The following NOL4L variants were observed in gnomAD, a reference collection of about 807,000 sequenced individuals.
The protein encoded by NOL4L is nucleolar protein 4-like.
A neutral mutation model predicts 64.5 loss-of-function variants in NOL4L; 7 were observed. The ratio of observed to expected loss-of-function variants is 0.11; its 90% CI spans 0.06 to 0.20. The LOEUF (loss-of-function observed/expected upper bound fraction) is 0.20, where lower values mean the gene tolerates loss of function less well. NOL4L is among the 10% of genes least tolerant of loss of function. The pLI, the probability that NOL4L is intolerant of heterozygous loss-of-function variation, is 1.00. For synonymous variants in NOL4L, 413 were observed against 401.0 expected (o/e 1.03, Z -0.36); for missense variants, 680 against 967.1 (o/e 0.70, Z 3.94).
chr20:32,561,272 G>C (rs1412322198), intron 1 of NOL4L: 1 of 152,272 alleles, frequency 6.6e-6, no homozygotes, highest in African/African-American at 2.4e-5. Flanking sequence ...AGGTAGGTGG[G>C]TGCCGGGAGG....
At chr20:32,558,573 TG>T (rs1978803841) in intron 1 of NOL4L, among the ~76,000 whole-genome samples, 1 of 152,138 alleles carries the variant, frequency 6.6e-6, no homozygotes, top group Non-Finnish European at 1.5e-5. Context: ...CACAGCCGGC[TG>T]GGTACACGGC....
At chr20:32,528,140 C>T (rs1419273932) in intron 1 of NOL4L, among the ~76,000 whole-genome samples, 6 of 152,150 alleles carry the variant, frequency 3.9e-5, no homozygotes, top group African/African-American at 1.4e-4. Flanking sequence ...ACGGCGACAA[C>T]GAAAATACAA....
At chr20:32,547,359 T>C (rs1487427413) in intron 1 of NOL4L, among the ~76,000 whole-genome samples, 1 of 152,134 alleles carries the variant, frequency 6.6e-6, no homozygotes, top group African/African-American at 2.4e-5. Flanking sequence ...GGCTCAATCA[T>C]GACTCACTGC....
At chr20:32,504,425 T>C (rs2017052132) in intron 4 of NOL4L, among the ~76,000 whole-genome samples, 1 of 151,874 alleles carries the variant, frequency 6.6e-6, no homozygotes, top group Non-Finnish European at 1.5e-5. Flanking sequence ...CCAGGTGTCA[T>C]GGCGGGCGCC....
intron 1 of NOL4L, among the ~76,000 whole-genome samples, chr20:32,551,411 C>G (rs1032099077): frequency 4.1e-5 from 6 of 145,366 alleles, no homozygotes; most frequent in Non-Finnish European, 7.5e-5. Flanking sequence ...TCATCATCAT[C>G]ATCGTGAGCA....
intron 4 of NOL4L, among the ~76,000 whole-genome samples, chr20:32,475,788 G>A (rs1280337132): frequency 6.6e-6 from 1 of 152,150 alleles, no homozygotes; most frequent in East Asian, 1.9e-4. Flanking sequence ...CCCCCTCACA[G>A]ACACCTCTTT....
chr20:32,472,335 C>T (rs533598266), intron 5 of NOL4L, among the ~76,000 whole-genome samples: 14 of 152,314 alleles, frequency 9.2e-5, no homozygotes, highest in East Asian at 3.9e-4. Context: ...CCACGAAGGA[C>T]GGAAGGCCAG....
At position 32,494,274 on chromosome 20, in the gene NOL4L, A is replaced by AC. The variant is rs1389579531; in HGVS notation, c.699+17072_699+17073insG. 7.9e-4 allele frequency among the ~76,000 whole-genome samples: 101 copies of AC among 128,600 alleles called. 1 individual carries two copies. Among genetic ancestry groups the AC allele is most frequent in the African/African-American group, 2.7e-3 (91 of 33,934 alleles). 84.4% of individuals were successfully genotyped at this position (128,600 alleles called of 152,430 possible). ...TCGGGAAAAAAAAAAAAAAAAAAAA[A>AC]AAAAAAAACACACAACACACACACA... On this transcript the variant is annotated intron_variant, in intron 4 of 10. Transcript: ENST00000621426.
At chr20:32,486,705 G>A in intron 4 of NOL4L, 1 of 470,914 alleles carries the variant, frequency 2.1e-6, no homozygotes, top group Non-Finnish European at 4.4e-6. Flanking sequence ...CCTGCAATGG[G>A]GCGATCTGGC....
chr20:32,567,921 C>CCATCAT (rs140917640), intron 1 of NOL4L, among the ~76,000 whole-genome samples: 1 of 151,496 alleles, frequency 6.6e-6, no homozygotes, highest in Non-Finnish European at 1.5e-5. Context: ...ATTACCACCA[C>CCATCAT]CATCATCATC....
intron 1 of NOL4L, among the ~76,000 whole-genome samples, 163 bp from the exon 2 acceptor site, chr20:32,528,076 G>A (rs1055879574): frequency 1.3e-5 from 2 of 152,174 alleles, no homozygotes; most frequent in Non-Finnish European, 2.9e-5. Flanking sequence ...GGAGGGGGAC[G>A]CCAGAGTCAG....
rs141370294 is a variant in NOL4L at position 32,480,007 on chromosome 20, C to T, written c.700-5265G>A. On this transcript the variant is annotated intron_variant, in intron 4 of 10. Transcript: ENST00000621426. ...TAACTAGCACAACCACTGCCCAGCCCAGGAGGAGGAGAAAACGGGAGACCA... is the reference window on the plus strand; with the variant it reads ...TAACTAGCACAACCACTGCCCAGCCTAGGAGGAGGAGAAAACGGGAGACCA... Among the ~76,000 whole-genome samples, 1,103 of 152,304 alleles carry T rather than the reference C, an allele frequency of 7.2e-3. 7 individuals carry two copies. Among genetic ancestry groups the T allele is most frequent in the Admixed American group, 0.011 (163 of 15,300 alleles).
chr20:32,516,584 C>CCA (rs1012139785), intron 3 of NOL4L, among the ~76,000 whole-genome samples: 2 of 152,132 alleles, frequency 1.3e-5, no homozygotes, highest in Non-Finnish European at 2.9e-5. Flanking sequence ...GCTTAGGGCT[C>CCA]CACACACACA....
intron 5 of NOL4L, among the ~76,000 whole-genome samples, chr20:32,465,691 A>G (rs2014483374): frequency 1.3e-5 from 2 of 152,248 alleles, no homozygotes; most frequent in South Asian, 2.1e-4. Flanking sequence ...CCTGGCCCCA[A>G]AGCCCCTGCA....
chr20:32,484,783 G>A (rs2015982544), intron 4 of NOL4L, among the ~76,000 whole-genome samples: 1 of 152,098 alleles, frequency 6.6e-6, no homozygotes. Context: ...TCCCCCAGGC[G>A]GACAGACCCT....
intron 1 of NOL4L, among the ~76,000 whole-genome samples, chr20:32,583,070 C>A (rs1157842028): frequency 6.6e-6 from 1 of 152,136 alleles, no homozygotes; most frequent in Non-Finnish European, 1.5e-5. Flanking sequence ...CCGGTCCCGG[C>A]GCGCCCCTCT....
At chr20:32,556,506 T>A (rs1256397915) in intron 1 of NOL4L, among the ~76,000 whole-genome samples, 1 of 152,084 alleles carries the variant, frequency 6.6e-6, no homozygotes, top group Non-Finnish European at 1.5e-5. Flanking sequence ...CACTCCAAAT[T>A]TCCCTTCTCC....
intron 2 of NOL4L, among the ~76,000 whole-genome samples, chr20:32,525,197 AGCATGGAGGCC>A (rs1232762542): frequency 3.9e-5 from 6 of 152,260 alleles, no homozygotes; most frequent in Non-Finnish European, 7.3e-5. Flanking sequence ...CCCTCCCCAC[AGCATGGAGGCC>A]GCAGACCCCT....
At chr20:32,571,514 G>T (rs548086773) in intron 1 of NOL4L, among the ~76,000 whole-genome samples, 174 of 152,304 alleles carry the variant, frequency 1.1e-3, no homozygotes, top group Non-Finnish European at 2.0e-3. Flanking sequence ...GCCAACTGCC[G>T]GTTTTGGTTT....
Sources: allele counts gnomAD v4.1 joint callset (sites outside exome capture counted in the v4.1 genomes callset), GRCh38; gene constraint gnomAD v4.1.1; transcripts MANE v1.5; gene names NCBI Gene and HGNC (gene_info 2026-07-23, HGNC 2026-07-21).